The following DENND2B variants were observed in gnomAD, a reference collection of about 807,000 sequenced individuals.
DENND2B encodes DENN domain containing 2B.
In DENND2B, 32 loss-of-function variants were observed where a neutral mutation model predicts 116.0. That is an observed-to-expected ratio of 0.28 (90% CI 0.21 to 0.37). DENND2B has a LOEUF of 0.37. Among genes scored for constraint, DENND2B ranks in the 10% least tolerant of loss-of-function variants. The probability of loss-of-function intolerance (pLI) is 1.00; values close to 1 mark genes in which losing one functional copy is unlikely to be tolerated. For missense variants in DENND2B, 1,276 were observed against 1,477.7 expected (o/e 0.86, Z 2.24); for synonymous variants, 588 against 583.9 (o/e 1.01, Z -0.10).
chr11:8,751,086 C>T (rs1249699720), intron 1 of DENND2B, among the ~76,000 whole-genome samples: 3 of 151,774 alleles, frequency 2.0e-5, no homozygotes, highest in African/African-American at 7.3e-5. Flanking sequence ...ATCTTTATGT[C>T]TAGCTAAGGG....
chr11:8,886,340 A>G (rs959973633), intron 1 of DENND2B, among the ~76,000 whole-genome samples: 1 of 152,152 alleles, frequency 6.6e-6, no homozygotes, highest in African/African-American at 2.4e-5. Flanking sequence ...TAAAGACACA[A>G]AGATTTTCAT....
At chr11:8,700,949 G>GT (rs1323890049) in intron 14 of DENND2B, among the ~76,000 whole-genome samples, 7 of 152,248 alleles carry the variant, frequency 4.6e-5, no homozygotes, top group Admixed American at 2.0e-4. Flanking sequence ...AGCCTCCTGA[G>GT]TAGCTGGGAC....
rs140057590 is a variant in DENND2B at position 8,696,767 on chromosome 11, C to T, written c.3053-101G>A. 1.3e-4 allele frequency: 193 copies of T among 1,511,092 alleles called. No individual in the cohort carries two copies. The African/African-American group carries it at 2.6e-3, about 20-fold the overall frequency. 93.6% of individuals were successfully genotyped at this position (1,511,092 alleles called of 1,614,324 possible). On this transcript the variant is annotated intron_variant, in intron 17 of 19. Transcript: ENST00000313726. Reference sequence around the variant, plus strand: ...TTCCTCTCCCCAACAAGACTTCCAGCCAGTACCACTCTTCTGTTCTGGAAG... The same window carrying T: ...TTCCTCTCCCCAACAAGACTTCCAGTCAGTACCACTCTTCTGTTCTGGAAG...
At chr11:8,792,351 G>A (rs2059455154) in intron 1 of DENND2B, among the ~76,000 whole-genome samples, 1 of 151,636 alleles carries the variant, frequency 6.6e-6, no homozygotes, top group African/African-American at 2.4e-5. Context: ...GACAAGTGAA[G>A]AAGATTTTTC....
At chr11:8,742,738 G>A (rs2050438159) in intron 2 of DENND2B, among the ~76,000 whole-genome samples, 1 of 152,230 alleles carries the variant, frequency 6.6e-6, no homozygotes, top group Non-Finnish European at 1.5e-5. Flanking sequence ...GTACCTCTAG[G>A]CAGGAAAACA....
chr11:8,866,074 C>T (rs1449202624), intron 2 of DENND2B, among the ~76,000 whole-genome samples: 2 of 152,138 alleles, frequency 1.3e-5, no homozygotes, highest in African/African-American at 4.8e-5. Flanking sequence ...ATTCTCCTGC[C>T]TCAGCCTCCC....
At chr11:8,868,559 T>C (rs2063665168) in intron 2 of DENND2B, among the ~76,000 whole-genome samples, 1 of 152,224 alleles carries the variant, frequency 6.6e-6, no homozygotes, top group South Asian at 2.1e-4. Flanking sequence ...CTTTACCACT[T>C]GTGTCATCCC....
chr11:8,779,433 C>T (rs2058105642), intron 1 of DENND2B, among the ~76,000 whole-genome samples: 1 of 152,084 alleles, frequency 6.6e-6, no homozygotes, highest in Non-Finnish European at 1.5e-5. Flanking sequence ...GGTTACCATG[C>T]TCTCCAGCCT....
intron 1 of DENND2B, among the ~76,000 whole-genome samples, chr11:8,888,808 A>G (rs1166239286): frequency 6.6e-6 from 1 of 152,224 alleles, no homozygotes; most frequent in Non-Finnish European, 1.5e-5. Context: ...CAATAACAAT[A>G]TGAAAAGATG....
intron 14 of DENND2B, among the ~76,000 whole-genome samples, chr11:8,701,940 T>A (rs1306580846): frequency 6.6e-6 from 1 of 152,068 alleles, no homozygotes; most frequent in East Asian, 1.9e-4. Flanking sequence ...CCCTGGCACC[T>A]CCAGGCCCTG....
At position 8,717,730 on chromosome 11, in the gene DENND2B, G is replaced by A. The variant is rs2045199937; in HGVS notation, c.1629+11C>T. 5.2e-6 allele frequency: 8 copies of A among 1,546,282 alleles called. No homozygotes were observed. Among genetic ancestry groups the A allele is most frequent in the Non-Finnish European group, 7.0e-6 (8 of 1,142,534 alleles). ...CGCTAACCCTACAGGCCGATGTCAG[G>A]GCTGAGTTACCTGTGTGGGCGGGCT... On this transcript the variant is annotated intron_variant, in intron 5 of 19. Coordinates refer to ENST00000313726, the MANE Select transcript of DENND2B (RefSeq NM_213618.2).
chr11:8,805,464 CT>C (rs984242624), intron 1 of DENND2B, among the ~76,000 whole-genome samples: 4 of 152,190 alleles, frequency 2.6e-5, no homozygotes, highest in African/African-American at 9.7e-5. Flanking sequence ...TTTTTTCCAA[CT>C]TTCCCATTTC....
At chr11:8,903,432 T>C (rs1338563382) in intron 1 of DENND2B, among the ~76,000 whole-genome samples, 1 of 121,188 alleles carries the variant, frequency 8.3e-6, no homozygotes, top group African/African-American at 3.2e-5. Flanking sequence ...AAAAAAAGGA[T>C]ATTACAAGTT....
intron 2 of DENND2B, among the ~76,000 whole-genome samples, chr11:8,735,267 T>G (rs2048820102): frequency 6.6e-6 from 1 of 152,158 alleles, no homozygotes; most frequent in South Asian, 2.1e-4. Flanking sequence ...TCTAGTCTTT[T>G]AGAGGACGAG....
chr11:8,772,281 T>C (rs1001021526), intron 1 of DENND2B, among the ~76,000 whole-genome samples: 1 of 152,134 alleles, frequency 6.6e-6, no homozygotes, highest in Non-Finnish European at 1.5e-5. Context: ...TTCTGAGTTC[T>C]GTGAGCCATT....
In DENND2B at chr11:8,713,906, G is replaced by A. The variant is rs1317814250; in HGVS notation, c.1987+92C>T. 4 of 1,411,140 alleles carry A rather than the reference G, an allele frequency of 2.8e-6. No individual in the cohort carries two copies. The South Asian group carries it at 4.6e-5, about 16-fold the overall frequency. 87.4% of individuals were successfully genotyped at this position (1,411,140 alleles called of 1,614,324 possible). A position where few individuals can be genotyped will look rare whatever the true frequency, so the allele number is the denominator to read the frequency against. On this transcript the variant is annotated intron_variant, in intron 8 of 19. Coordinates refer to ENST00000313726, the MANE Select transcript of DENND2B (RefSeq NM_213618.2). ...CACCTCTCCACATCAGGCCGGTTAG[G>A]GACACTGGAACCACACATGCATCGG...
intron 1 of DENND2B, among the ~76,000 whole-genome samples, chr11:8,904,867 C>T (rs564646410): frequency 6.6e-6 from 1 of 152,148 alleles, no homozygotes; most frequent in Admixed American, 6.5e-5. Context: ...AATATGTACA[C>T]TAATCACTAC....
At chr11:8,696,725 A>G (rs774097846) in intron 17 of DENND2B, 59 bp from the exon 18 acceptor site, 131 of 1,593,244 alleles carry the variant, frequency 8.2e-5, no homozygotes, top group African/African-American at 5.5e-4. Flanking sequence ...GCCTTCCTCA[A>G]TCTTCCTGGT....
intron 2 of DENND2B, among the ~76,000 whole-genome samples, chr11:8,739,488 C>T (rs560342068): frequency 1.3e-5 from 2 of 152,338 alleles, no homozygotes; most frequent in African/African-American, 4.8e-5. Flanking sequence ...TAAATCATTC[C>T]ATAAAGGTAA....
Sources: gnomAD v4.1 joint callset for allele counts (sites outside exome capture counted in the v4.1 genomes callset) on GRCh38, gnomAD v4.1.1 for gene constraint, MANE v1.5 for transcripts, NCBI Gene and HGNC (gene_info 2026-07-23, HGNC 2026-07-21) for gene names.